SRCAP: variants seen among roughly 807,000 people sequenced by gnomAD.
SRCAP encodes the protein Snf2 related CREBBP activator protein.
In SRCAP, 46 loss-of-function variants were observed where a neutral mutation model predicts 263.1. That is an observed-to-expected ratio of 0.17 (90% CI 0.14 to 0.22). The LOEUF is 0.22. SRCAP is among the 10% of genes least tolerant of loss of function. The pLI is 1.00. For synonymous variants in SRCAP, 1,813 were observed against 1,662.1 expected, an observed-to-expected ratio of 1.09 and a Z score of -2.21; for missense variants, 3,695 against 4,181.9, an observed-to-expected ratio of 0.88 and a Z score of 3.21.
At chr16:30,718,284 C>G (rs555957514) in intron 18 of SRCAP, among the ~76,000 whole-genome samples, 1 of 152,032 alleles carries the variant, frequency 6.6e-6, no homozygotes, top group Admixed American at 6.5e-5. Flanking sequence ...TCAAGTGATT[C>G]TCCTGCCTCA....
Position 30,723,639 on chromosome 16 carries a change from C to T in SRCAP, c.4215C>T (p.Ser1405=), listed in dbSNP as rs2151293933. 6.2e-7 allele frequency: 1 copy of T among 1,613,710 alleles called. No homozygotes were observed. The highest frequency in any genetic ancestry group is 2.2e-5 in the East Asian group (1 of 44,866). ...LTISSPLHVP[S]SLPGPASSPM... ...TCTCTTCTCCTCTCCACGTGCCATCCTCCCTCCCTGGGCCAGCCTCTTCTC... is the reference window on the plus strand; with the variant it reads ...TCTCTTCTCCTCTCCACGTGCCATCTTCCCTCCCTGGGCCAGCCTCTTCTC... The change falls in exon 25 of 34, where the codon TCC becomes TCT. Residue 1405 remains serine (S), a synonymous_variant. Transcript: ENST00000262518.
chr16:30,699,514 C>G (rs2052741698), intron 1 of SRCAP, among the ~76,000 whole-genome samples: 1 of 152,176 alleles, frequency 6.6e-6, no homozygotes, highest in Admixed American at 6.6e-5. Flanking sequence ...GGCGGATTTT[C>G]CTGTGACCAG....
chr16:30,726,239 A>G (rs1332411819), intron 25 of SRCAP: 1 of 152,198 alleles, frequency 6.6e-6, no homozygotes, highest in Non-Finnish European at 1.5e-5. Flanking sequence ...ATAATAATGT[A>G]TGAATACCAC....
intron 27 of SRCAP, among the ~76,000 whole-genome samples, chr16:30,731,687 C>A (rs1406772887): frequency 6.6e-6 from 1 of 151,976 alleles, no homozygotes; most frequent in Non-Finnish European, 1.5e-5. Flanking sequence ...CATGGCGAAA[C>A]CCTGTCTCCT....
intron 16 of SRCAP, among the ~76,000 whole-genome samples, chr16:30,714,164 A>G (rs1281687896): frequency 1.3e-5 from 2 of 149,632 alleles, no homozygotes; most frequent in Non-Finnish European, 3.0e-5. Flanking sequence ...TCCCAGGTTC[A>G]TGCCATTCTC....
At chr16:30,699,413 C>G (rs538982668) in intron 1 of SRCAP, among the ~76,000 whole-genome samples, 171 bp downstream of exon 1, 2 of 152,308 alleles carry the variant, frequency 1.3e-5, no homozygotes, top group East Asian at 3.9e-4. Context: ...CTTTTGACTG[C>G]TCCTGAGTCT....
rs756529897 is a variant in SRCAP at position 30,720,918 on chromosome 16, C to T, written c.3193C>T (p.Arg1065Trp). 17 of 1,613,902 alleles carry T rather than the reference C, an allele frequency of 1.1e-5. No individual in the cohort carries two copies. The highest frequency in any genetic ancestry group is 6.7e-5 in the East Asian group (3 of 44,896). ...PAGPPLIPASRPPGPVLLPPL... is the reference protein window; with the variant it reads ...PAGPPLIPASWPPGPVLLPPL... ...CGGGCCCCCGCTTATTCCTGCATCT[C>T]GGCCTCCTGGCCCTGTCCTCTTGCC... Residue 1065 changes from arginine to tryptophan, a missense_variant, in exon 20 of 34, where the codon CGG becomes TGG. Transcript: ENST00000262518.
At chr16:30,702,386 C>T (rs2052776116) in intron 3 of SRCAP, among the ~76,000 whole-genome samples, 1 of 152,010 alleles carries the variant, frequency 6.6e-6, no homozygotes, top group Non-Finnish European at 1.5e-5. Context: ...GCGTCCGCCA[C>T]CACGCCCAGC....
At position 30,737,156 on chromosome 16, in the gene SRCAP, T is replaced by C. The variant is rs749688787; in HGVS notation, c.7116T>C (p.Cys2372=). 6.2e-7 allele frequency: 1 copy of C among 1,613,940 alleles called. No individual in the cohort carries two copies. Among genetic ancestry groups the C allele is most frequent in the South Asian group, 1.1e-5 (1 of 91,076 alleles). ...CGGGGGCTGGGGATGAGAGTTCCTG[T>C]GGGACTGGTGGAGGCACCCACCGGC... ...EGPGAGDESS[C]GTGGGTHRRS... is the part of the protein sequence containing the mutation. Residue 2372 remains cysteine (C), a synonymous_variant, in exon 34 of 34, where the codon TGT becomes TGC. Coordinates refer to ENST00000262518, the MANE Select transcript of SRCAP (RefSeq NM_006662.3).
chr16:30,719,724 G>A (rs1373355664), intron 18 of SRCAP, among the ~76,000 whole-genome samples: 2 of 152,104 alleles, frequency 1.3e-5, no homozygotes, highest in African/African-American at 2.4e-5. Context: ...ATGTTGCCTA[G>A]GGTGATCTCA....
chr16:30,738,360 G>A lies in SRCAP; in HGVS notation c.8320G>A (p.Ala2774Thr). The A allele has an allele frequency of 6.4e-7, 1 of 1,566,746 alleles. No individual in the cohort carries two copies. The highest frequency in any genetic ancestry group is 8.6e-7 in the Non-Finnish European group (1 of 1,156,350). ...VRRRRQQRGA[A>T]STLVPGVSET... ...GCGGCGGCGGCAGCAGCGGGGAGCT[G>A]CCAGCACCCTAGTGCCTGGGGTCTC... Residue 2774 changes from alanine to threonine, a missense_variant, in exon 34 of 34, where the codon GCC (alanine) becomes ACC (threonine). This residue lies in a region of SRCAP where 1,207 missense variants were observed against 1,142.9 expected (regional missense o/e 1.06). Transcript: ENST00000262518.
rs1377409667 is a variant in SRCAP, at chr16:30,722,815, C to T, written c.3892+67C>T. 6 of 1,558,228 alleles carry T rather than the reference C, an allele frequency of 3.9e-6. No homozygotes were observed. In the East Asian group the frequency reaches 1.1e-4, roughly 29 times the overall value. ...GTCCTTCCAGGCATGCGCTGGGCTA[C>T]TGTCTGTCCAGCCTTCCCTCAGTGT... On this transcript the variant is annotated intron_variant, in intron 23 of 33. Coordinates refer to ENST00000262518, the MANE Select transcript of SRCAP (RefSeq NM_006662.3).
Position 30,731,271 on chromosome 16 carries a change from T to A in SRCAP, c.6127+1699T>A, listed in dbSNP as rs374822113. ...AAAAAAGACCTCTGGCTTATTTAGA[T>A]CAACTTGATTTATTTTCTGGGTTTG... On this transcript the variant is annotated intron_variant, in intron 27 of 33. Transcript: ENST00000262518. Among the ~76,000 whole-genome samples the A allele has an allele frequency of 3.9e-5, 6 of 152,304 alleles. No individual in the cohort carries two copies. The East Asian group carries it at 1.2e-3, about 29-fold the overall frequency.
intron 31 of SRCAP, 45 bp downstream of exon 31, chr16:30,734,660 A>G: frequency 6.2e-7 from 1 of 1,612,666 alleles, no homozygotes. Flanking sequence ...TGATTCTTAC[A>G]GAATATCTTG....
In SRCAP at chr16:30,739,248, C is replaced by T. The variant is rs1313739392; in HGVS notation, c.9208C>T (p.Arg3070Trp). The change falls in exon 34 of 34, where the codon CGG becomes TGG. Residue 3070 changes from arginine to tryptophan, a missense_variant. Physicochemically the swap from Arg to Trp is moderately radical, Grantham distance 101. This residue lies in a region of SRCAP where 1,207 missense variants were observed against 1,142.9 expected (regional missense o/e 1.06). Transcript: ENST00000262518. ...SRPLTRLARL[R>W]LEAEGMRGRK... ...CCCCCTCACCCGCCTGGCCCGCCTT[C>T]GGCTTGAAGCAGAAGGAATGCGAGG... 2 of 1,613,764 alleles carry T rather than the reference C, an allele frequency of 1.2e-6. No homozygotes were observed. The highest frequency in any genetic ancestry group is 1.7e-6 in the Non-Finnish European group (2 of 1,180,018).
chr16:30,717,341 G>A (rs1484627941), intron 18 of SRCAP, among the ~76,000 whole-genome samples: 1 of 152,036 alleles, frequency 6.6e-6, no homozygotes, highest in Non-Finnish European at 1.5e-5. Flanking sequence ...ATATGCTTTG[G>A]AAATTAACCC....
rs374334613 is a variant in SRCAP, at chr16:30,709,745, C to T, written c.856+10C>T. 1.2e-6 allele frequency: 2 copies of T among 1,614,056 alleles called. No individual in the cohort carries two copies. The highest frequency in any genetic ancestry group is 1.3e-5 in the African/African-American group (1 of 74,922). ...CGCCTGGATGATGAAGGTGTGTGTT[C>T]TCTTTGGTCCTGTTACTCTTCCTCA... On this transcript the variant is annotated intron_variant, in intron 7 of 33. Transcript: ENST00000262518.
In SRCAP at chr16:30,737,163, G is replaced by T. The variant is rs2053168758; in HGVS notation, c.7123G>T (p.Gly2375Cys). 1 of 1,614,024 alleles carries T rather than the reference G, an allele frequency of 6.2e-7. No individual in the cohort carries two copies. Among genetic ancestry groups the T allele is most frequent in the Admixed American group, 1.7e-5 (1 of 60,006 alleles). Residue 2375 changes from glycine (G) to cysteine (C), a missense_variant, in exon 34 of 34, where the codon GGT (glycine) becomes TGT (cysteine). Gly to Cys is a radical substitution (Grantham distance 159). Around this residue, in one of 12 missense-constraint regions of SRCAP, gnomAD observed 1,207 missense variants for 1,142.9 expected, o/e 1.06. Coordinates refer to ENST00000262518, the MANE Select transcript of SRCAP (RefSeq NM_006662.3). The part of the protein sequence containing the change: ...GAGDESSCGT[G>C]GGTHRRSKKA... Reference sequence around the variant, plus strand: ...TGGGGATGAGAGTTCCTGTGGGACTGGTGGAGGCACCCACCGGCGCAGTAA... The same window carrying T: ...TGGGGATGAGAGTTCCTGTGGGACTTGTGGAGGCACCCACCGGCGCAGTAA...
intron 4 of SRCAP, among the ~76,000 whole-genome samples, chr16:30,704,714 C>G (rs2151284974): frequency 6.6e-6 from 1 of 152,156 alleles, no homozygotes; most frequent in Non-Finnish European, 1.5e-5. Flanking sequence ...TCGCACATGC[C>G]TGTAGCAGTC....
Sources: gnomAD v4.1 joint callset for allele counts (sites outside exome capture counted in the v4.1 genomes callset) on GRCh38, gnomAD v4.1.1 for gene constraint, gnomAD v4.1.1 regional missense constraint, MANE v1.5 for transcripts, NCBI Gene and HGNC (gene_info 2026-07-23, HGNC 2026-07-21) for gene names.